The following FGF12 variants were observed in gnomAD, a reference collection of about 807,000 sequenced individuals.
FGF12 encodes the protein fibroblast growth factor 12B.
Under a neutral mutation model 23.6 loss-of-function variants are expected in FGF12, and 14 were observed. The ratio of observed to expected loss-of-function variants is 0.59; its 90% CI spans 0.39 to 0.93. The LOEUF is 0.93. Ranked by LOEUF, FGF12 falls within the 40% of genes least tolerant of loss-of-function variation. FGF12 has a pLI of 0.00. For missense variants in FGF12, 175 were observed against 217.8 expected (o/e 0.80, Z 1.24); for synonymous variants, 62 against 77.3 (o/e 0.80, Z 1.04).
chr3:192,464,499 G>GGTGTGTGTGTGTGTGTGT (rs34803297), intron 2 of FGF12, among the ~76,000 whole-genome samples: 1 of 132,606 alleles, frequency 7.5e-6, no homozygotes, highest in Admixed American at 7.6e-5. Flanking sequence ...AGTATTCCAT[G>GGTGTGTGTGTGTGTGTGT]GTGTGTGTGT....
intron 4 of FGF12, among the ~76,000 whole-genome samples, chr3:192,183,104 A>C (rs1163180589): frequency 1.3e-5 from 2 of 152,226 alleles, no homozygotes; most frequent in African/African-American, 2.4e-5. Flanking sequence ...ACTGGGACGC[A>C]GCATGTGGTG....
At chr3:192,226,921 A>T (rs1036429225) in intron 4 of FGF12, among the ~76,000 whole-genome samples, 1 of 116,058 alleles carries the variant, frequency 8.6e-6, no homozygotes, top group Non-Finnish European at 1.7e-5. Context: ...ATTGTGTGTC[A>T]ATTAAAAAAA....
intron 4 of FGF12, among the ~76,000 whole-genome samples, chr3:192,262,841 A>G (rs559059554): frequency 6.6e-6 from 1 of 152,054 alleles, no homozygotes; most frequent in South Asian, 2.1e-4. Context: ...CCATCAAAAA[A>G]GTAGATAAAA....
intron 2 of FGF12, among the ~76,000 whole-genome samples, chr3:192,434,670 T>C (rs1721963203): frequency 6.6e-6 from 1 of 152,154 alleles, no homozygotes. Flanking sequence ...AGTTAGAGTC[T>C]TTAGGAATAA....
At chr3:192,342,272 T>C (rs1238737380) in intron 3 of FGF12, among the ~76,000 whole-genome samples, 1 of 152,052 alleles carries the variant, frequency 6.6e-6, no homozygotes, top group Admixed American at 6.6e-5. Context: ...ATTAAGCATG[T>C]AAGAAAAAAA....
intron 2 of FGF12, among the ~76,000 whole-genome samples, chr3:192,488,098 C>T (rs966298157): frequency 6.6e-6 from 1 of 152,100 alleles, no homozygotes; most frequent in Non-Finnish European, 1.5e-5. Context: ...AGTTACTTAA[C>T]TATAAGCTAT....
intron 2 of FGF12, among the ~76,000 whole-genome samples, chr3:192,526,200 C>T (rs1577036515): frequency 6.6e-6 from 1 of 152,252 alleles, no homozygotes; most frequent in African/African-American, 2.4e-5. Context: ...TCATTATCAC[C>T]TCTGTCAATA....
At chr3:192,414,602 G>C (rs1721287734) in intron 2 of FGF12, among the ~76,000 whole-genome samples, 1 of 152,130 alleles carries the variant, frequency 6.6e-6, no homozygotes, top group Non-Finnish European at 1.5e-5. Context: ...GGAAGCTAAA[G>C]GGAAAATAAT....
At chr3:192,161,526 A>G (rs1373228200) in intron 5 of FGF12, among the ~76,000 whole-genome samples, 1 of 151,850 alleles carries the variant, frequency 6.6e-6, no homozygotes, top group Non-Finnish European at 1.5e-5. Flanking sequence ...ACACACACAC[A>G]CACACACACA....
intron 2 of FGF12, among the ~76,000 whole-genome samples, chr3:192,621,987 T>C (rs1714992739): frequency 6.6e-6 from 1 of 152,190 alleles, no homozygotes; most frequent in Non-Finnish European, 1.5e-5. Context: ...AACTCAGATC[T>C]TTCCAGTTGT....
intron 4 of FGF12, among the ~76,000 whole-genome samples, chr3:192,216,850 C>T (rs531137596): frequency 6.6e-6 from 1 of 152,246 alleles, no homozygotes; most frequent in African/African-American, 2.4e-5. Context: ...CTCTGGTTTC[C>T]AACTCTTATC....
Position 192,475,736 on chromosome 3 carries a change from T to C in FGF12, c.14-115198A>G, listed in dbSNP as rs942347524. On this transcript the variant is annotated intron_variant, in intron 2 of 5. Transcript: ENST00000445105. ...AAGAAATGAAAGGATTACACGTCAGTGCAAAAGCTGTTCTCGTGATAGGGA... is the reference window on the plus strand; with the variant it reads ...AAGAAATGAAAGGATTACACGTCAGCGCAAAAGCTGTTCTCGTGATAGGGA... 2.0e-5 allele frequency among the ~76,000 whole-genome samples: 3 copies of C among 152,288 alleles called. No homozygotes were observed. In the East Asian group the frequency reaches 5.8e-4, roughly 29 times the overall value.
Position 192,408,659 on chromosome 3 carries a change from G to C in FGF12, c.14-48121C>G. On this transcript the variant is annotated intron_variant, in intron 2 of 5. Coordinates refer to ENST00000445105, the MANE Select transcript of FGF12 (RefSeq NM_004113.6). The surrounding 1 kb of genome is among the most constrained non-coding windows in gnomAD (Gnocchi z 7.3). ...TGGAGAGGCGCAAGCGTTGTAAGGT[G>C]TCCAAAGTATACCTACACATACATA... 9.8e-7 allele frequency: 1 copy of C among 1,019,600 alleles called. No homozygotes were observed. The highest frequency in any genetic ancestry group is 1.2e-6 in the Non-Finnish European group (1 of 851,230). The allele number at this position is 1,019,600 out of a possible 1,614,324, so 63.2% of individuals were successfully genotyped here.
chr3:192,721,280 T>A (rs1209091577), intron 2 of FGF12, among the ~76,000 whole-genome samples: 1 of 152,214 alleles, frequency 6.6e-6, no homozygotes. Context: ...TTTATTAGCA[T>A]GAGTTTTATT....
At chr3:192,688,313 C>T (rs1454341659) in intron 2 of FGF12, among the ~76,000 whole-genome samples, 1 of 152,170 alleles carries the variant, frequency 6.6e-6, no homozygotes, top group Non-Finnish European at 1.5e-5. Context: ...CACCACTACA[C>T]CTGGTGCCAT....
intron 2 of FGF12, among the ~76,000 whole-genome samples, chr3:192,640,189 C>A (rs1409635202): frequency 6.6e-6 from 1 of 152,112 alleles, no homozygotes; most frequent in African/African-American, 2.4e-5. Flanking sequence ...GCTGAATGGG[C>A]AGATTTTAGC....
chr3:192,307,937 A>T (rs1261657626), intron 4 of FGF12, among the ~76,000 whole-genome samples: 1 of 152,194 alleles, frequency 6.6e-6, no homozygotes, highest in African/African-American at 2.4e-5. Flanking sequence ...GATAGTAGGG[A>T]CTTCATTTTG....
intron 5 of FGF12, among the ~76,000 whole-genome samples, chr3:192,166,076 G>A (rs1715146016): frequency 6.6e-6 from 1 of 152,166 alleles, no homozygotes; most frequent in Non-Finnish European, 1.5e-5. Context: ...AATAATTTGA[G>A]TATCCCAGCA....
At chr3:192,363,711 AG>A (rs1264378035) in intron 2 of FGF12, among the ~76,000 whole-genome samples, 1 of 152,174 alleles carries the variant, frequency 6.6e-6, no homozygotes, top group Non-Finnish European at 1.5e-5. Flanking sequence ...TTCTCCATGA[AG>A]ACTCAGCTAT....
Sources: allele counts gnomAD v4.1 joint callset (sites outside exome capture counted in the v4.1 genomes callset), GRCh38; gene constraint gnomAD v4.1.1; non-coding constraint Gnocchi (gnomAD v3.1); transcripts MANE v1.5; gene names NCBI Gene and HGNC (gene_info 2026-07-23, HGNC 2026-07-21).